The following CSMD1 variants were observed in gnomAD, a reference collection of about 807,000 sequenced individuals.
The protein encoded by CSMD1 is CUB and sushi domain-containing protein 1.
A neutral mutation model predicts 417.5 loss-of-function variants in CSMD1; 213 were observed. The ratio of observed to expected loss-of-function variants is 0.51; its 90% CI spans 0.46 to 0.57. The LOEUF (loss-of-function observed/expected upper bound fraction) is 0.57. CSMD1 is among the 20% of genes least tolerant of loss of function. The pLI is 0.00. For synonymous variants in CSMD1, 2,862 were observed against 1,736.8 expected, an observed-to-expected ratio of 1.65 and a Z score of -16.11; for missense variants, 6,923 against 4,529.7, an observed-to-expected ratio of 1.53 and a Z score of -15.17.
At chr8:4,550,055 C>G (rs1039639338) in intron 2 of CSMD1, among the ~76,000 whole-genome samples, 1 of 151,848 alleles carries the variant, frequency 6.6e-6, no homozygotes, top group Non-Finnish European at 1.5e-5. Context: ...TTTTGTCATC[C>G]TCAGAATTGG....
intron 3 of CSMD1, among the ~76,000 whole-genome samples, chr8:4,112,183 G>T (rs568645691): frequency 2.0e-5 from 3 of 152,252 alleles, no homozygotes; most frequent in Admixed American, 2.0e-4. Context: ...TATAGCTGCT[G>T]AGCCATAATT....
At chr8:4,793,224 C>G (rs1797788858) in intron 1 of CSMD1, among the ~76,000 whole-genome samples, 1 of 152,060 alleles carries the variant, frequency 6.6e-6, no homozygotes, top group Non-Finnish European at 1.5e-5. Flanking sequence ...AAGACATGAT[C>G]ATGAGTTAGT....
At chr8:3,961,839 A>G (rs991854759) in intron 5 of CSMD1, among the ~76,000 whole-genome samples, 3 of 152,220 alleles carry the variant, frequency 2.0e-5, no homozygotes, top group Non-Finnish European at 2.9e-5. Context: ...ATAAGGCAGC[A>G]TCATGAGGAA....
intron 12 of CSMD1, among the ~76,000 whole-genome samples, chr8:3,432,066 A>C (rs1404490934): frequency 6.6e-6 from 1 of 152,192 alleles, no homozygotes; most frequent in Non-Finnish European, 1.5e-5. Flanking sequence ...TTATAACATA[A>C]TAATAGGGTC....
At chr8:4,293,144 C>A (rs1025673088) in intron 3 of CSMD1, among the ~76,000 whole-genome samples, 6 of 152,142 alleles carry the variant, frequency 3.9e-5, no homozygotes, top group African/African-American at 1.4e-4. Context: ...TTGTCCCGCA[C>A]CTGCCCTTTG....
intron 41 of CSMD1, among the ~76,000 whole-genome samples, chr8:3,125,876 C>G (rs2129023092): frequency 6.6e-6 from 1 of 152,288 alleles, no homozygotes; most frequent in Middle Eastern, 3.4e-3. Context: ...ACTCGGGAGG[C>G]TGAGGCAGGA....
In CSMD1 at chr8:3,077,144, G is replaced by C. The variant is rs1186922095; in HGVS notation, c.7474+9953C>G. Among the ~76,000 whole-genome samples the C allele has an allele frequency of 2.0e-5, 3 of 152,168 alleles. No homozygotes were observed. In the East Asian group the frequency reaches 5.8e-4, roughly 29 times the overall value. On this transcript the variant is annotated intron_variant, in intron 49 of 69. Coordinates refer to ENST00000635120, the MANE Select transcript of CSMD1 (RefSeq NM_033225.6). ...AAGCAGAGACTCCGGACTTCCTGGA[G>C]CCTGCCAAATCAGAATCGTGCAGGG...
chr8:4,033,799 C>G (rs532540239), intron 3 of CSMD1, among the ~76,000 whole-genome samples: 1 of 152,270 alleles, frequency 6.6e-6, no homozygotes. Flanking sequence ...GATTCTCTAT[C>G]TAAATCAATT....
chr8:4,894,698 C>CTGTGTGTGTGTG (rs1199351387), intron 1 of CSMD1, among the ~76,000 whole-genome samples: 41 of 150,014 alleles, frequency 2.7e-4, no homozygotes, highest in African/African-American at 5.7e-4. Context: ...ATCTGAAAGA[C>CTGTGTGTGTGTG]TGTGTGTGTG....
rs1220418732 is a variant in CSMD1, at chr8:3,218,184, G to C, written c.4672+1071C>G. Among the ~76,000 whole-genome samples, 4 of 152,312 alleles carry C rather than the reference G, an allele frequency of 2.6e-5. No individual in the cohort carries two copies. In the East Asian group the frequency reaches 7.7e-4, roughly 29 times the overall value. ...TGATAAAAGAAAAGAGCTCTGAGCAGCGTCAGAAACCTTGCTAAACCAGCC... is the reference window on the plus strand; with the variant it reads ...TGATAAAAGAAAAGAGCTCTGAGCACCGTCAGAAACCTTGCTAAACCAGCC... On this transcript the variant is annotated intron_variant, in intron 29 of 69. Coordinates refer to ENST00000635120, the MANE Select transcript of CSMD1 (RefSeq NM_033225.6).
intron 52 of CSMD1, among the ~76,000 whole-genome samples, chr8:3,016,074 T>C (rs1351966001): frequency 1.3e-5 from 2 of 152,216 alleles, no homozygotes; most frequent in African/African-American, 4.8e-5. Context: ...TTCTCTATGC[T>C]TTCTTTCTTA....
At chr8:3,197,603 C>G (rs1266300170) in intron 33 of CSMD1, among the ~76,000 whole-genome samples, 1 of 151,562 alleles carries the variant, frequency 6.6e-6, no homozygotes, top group East Asian at 1.9e-4. Context: ...GTAGCTGGGA[C>G]TACAGGTGCC....
At chr8:4,952,647 G>A (rs1201551082) in intron 1 of CSMD1, among the ~76,000 whole-genome samples, 14 of 151,950 alleles carry the variant, frequency 9.2e-5, no homozygotes, top group Admixed American at 9.2e-4. Flanking sequence ...TGTGGTAGAG[G>A]TTCAAATATG....
In CSMD1 at chr8:4,032,040, T is replaced by A; in HGVS notation, c.475A>T (p.Thr159Ser). The change falls in exon 4 of 70, where the codon ACG becomes TCG. Residue 159 changes from threonine (T) to serine (S), a missense_variant. Transcript: ENST00000635120. ...GEILKGVLHG[T>S]RFNIGDKIRY... ...ATTTTGTCTCCTATGTTGAATCTCGTTCCATGCAGAACTCCTTTCAGGATT... is the reference window on the plus strand; with the variant it reads ...ATTTTGTCTCCTATGTTGAATCTCGATCCATGCAGAACTCCTTTCAGGATT... 6.2e-7 allele frequency: 1 copy of A among 1,613,936 alleles called. No individual in the cohort carries two copies. The highest frequency in any genetic ancestry group is 8.5e-7 in the Non-Finnish European group (1 of 1,179,848).
intron 25 of CSMD1, among the ~76,000 whole-genome samples, chr8:3,296,010 C>T (rs1476404015): frequency 1.3e-5 from 2 of 151,838 alleles, no homozygotes; most frequent in East Asian, 3.9e-4. Flanking sequence ...CCACAGCATC[C>T]ACAATAATAC....
chr8:4,426,563 T>C (rs947743181), intron 2 of CSMD1, among the ~76,000 whole-genome samples: 11 of 147,404 alleles, frequency 7.5e-5, no homozygotes, highest in African/African-American at 2.0e-4. Flanking sequence ...TTTACTATAG[T>C]ATAGTATATA....
chr8:4,645,545 A>T (rs1314433625), intron 1 of CSMD1, among the ~76,000 whole-genome samples: 3 of 151,610 alleles, frequency 2.0e-5, no homozygotes, highest in Non-Finnish European at 4.4e-5. Flanking sequence ...TAAGCCTTGA[A>T]CATATTGCCT....
At chr8:4,515,649 G>A (rs545304899) in intron 2 of CSMD1, among the ~76,000 whole-genome samples, 4 of 152,184 alleles carry the variant, frequency 2.6e-5, no homozygotes, top group Non-Finnish European at 4.4e-5. Context: ...AAATGAGAAC[G>A]GATTCCCTCT....
intron 5 of CSMD1, among the ~76,000 whole-genome samples, chr8:3,985,420 TGTGCACACACACACAAACACACCTGGGC>T (rs758077821): frequency 1.8e-4 from 27 of 152,290 alleles, no homozygotes; most frequent in Admixed American, 1.8e-3. Flanking sequence ...TCTAGTCTTA[TGTGCACACACACACAAACACACCTGGGC>T]GTGCACACTC....
Sources: allele counts gnomAD v4.1 joint callset (sites outside exome capture counted in the v4.1 genomes callset), GRCh38; gene constraint gnomAD v4.1.1; transcripts MANE v1.5; gene names NCBI Gene and HGNC (gene_info 2026-07-23, HGNC 2026-07-21).